The following PCDHGB7 variants were observed in gnomAD, a reference collection of about 807,000 sequenced individuals.
The protein encoded by PCDHGB7 is protocadherin gamma-B7.
A neutral mutation model predicts 61.4 loss-of-function variants in PCDHGB7; 37 were observed. The ratio of observed to expected loss-of-function variants is 0.60; its 90% CI spans 0.46 to 0.79. The LOEUF (loss-of-function observed/expected upper bound fraction) is 0.79. PCDHGB7 is among the 30% of genes least tolerant of loss of function. The pLI, the probability that PCDHGB7 is intolerant of heterozygous loss-of-function variation, is 0.00. For missense variants in PCDHGB7, 1,166 were observed against 1,202.5 expected (o/e 0.97, Z 0.45); for synonymous variants, 464 against 503.5 (o/e 0.92, Z 1.05).
At chr5:141,424,956 T>A (rs1435882776) in intron 1 of PCDHGB7, among the ~76,000 whole-genome samples, 1 of 152,176 alleles carries the variant, frequency 6.6e-6, no homozygotes, top group African/African-American at 2.4e-5. Context: ...TTCTAGGTAT[T>A]TGCCCCAAAT....
chr5:141,448,439 C>T (rs182359185), intron 1 of PCDHGB7, among the ~76,000 whole-genome samples: 7 of 152,232 alleles, frequency 4.6e-5, no homozygotes, highest in Admixed American at 4.6e-4. Context: ...ATTGAGAAGT[C>T]TGACTTCCAT....
intron 2 of PCDHGB7, among the ~76,000 whole-genome samples, chr5:141,497,248 G>A (rs1442942520): frequency 6.6e-6 from 1 of 152,128 alleles, no homozygotes; most frequent in African/African-American, 2.4e-5. Context: ...AGGAGGAGGT[G>A]ACATTGAGAA....
chr5:141,469,618 T>C (rs1284372508), intron 1 of PCDHGB7, among the ~76,000 whole-genome samples: 1 of 152,148 alleles, frequency 6.6e-6, no homozygotes, highest in Non-Finnish European at 1.5e-5. Context: ...ATAAAATAAA[T>C]GTTTGTAGTT....
chr5:141,422,409 A>G, intron 1 of PCDHGB7: 1 of 1,601,728 alleles, frequency 6.2e-7, no homozygotes. Flanking sequence ...TGCCTTTTAA[A>G]TTAGAAAAGA....
rs1233637152 is a variant in PCDHGB7 at position 141,432,543 on chromosome 5, A to G, written c.2415+12269A>G. ...CTGGTGACCAAGGTGGTGGCGGTGGACAGAGACTCCGGCCAGAACGCCTGG... is the reference window on the plus strand; with the variant it reads ...CTGGTGACCAAGGTGGTGGCGGTGGGCAGAGACTCCGGCCAGAACGCCTGG... On this transcript the variant is annotated intron_variant, in intron 1 of 3. Transcript: ENST00000398594. This position sits in a 1 kb window ranked among gnomAD's most constrained non-coding sequence, Gnocchi z 6.0. 3 of 1,613,678 alleles carry G rather than the reference A, an allele frequency of 1.9e-6. No individual in the cohort carries two copies. In the African/African-American group the frequency reaches 4.0e-5, roughly 22 times the overall value.
chr5:141,430,110 C>T (rs919470038), intron 1 of PCDHGB7, among the ~76,000 whole-genome samples: 1 of 152,060 alleles, frequency 6.6e-6, no homozygotes, highest in Admixed American at 6.5e-5. Flanking sequence ...CGTTACATGT[C>T]AACAACCTGG....
At chr5:141,458,172 T>C (rs1023447659) in intron 1 of PCDHGB7, among the ~76,000 whole-genome samples, 2 of 152,216 alleles carry the variant, frequency 1.3e-5, no homozygotes, top group African/African-American at 4.8e-5. Flanking sequence ...CACAGTAGTA[T>C]ACCTTACTTG....
chr5:141,489,381 T>A lies in PCDHGB7; in HGVS notation c.2416-5426T>A. 1 of 1,613,894 alleles carries A rather than the reference T, an allele frequency of 6.2e-7. No homozygotes were observed. The highest frequency in any genetic ancestry group is 8.5e-7 in the Non-Finnish European group (1 of 1,179,802). ...CTGAGCCGGGGACGCTGGTGGGGAATGTTGCTCAGGATCTGGGCTTAAAGA... is the reference window on the plus strand; with the variant it reads ...CTGAGCCGGGGACGCTGGTGGGGAAAGTTGCTCAGGATCTGGGCTTAAAGA... On this transcript the variant is annotated intron_variant, in intron 1 of 3. Transcript: ENST00000398594. The surrounding 1 kb of genome is among the most constrained non-coding windows in gnomAD (Gnocchi z 4.5).
rs752402965 is a variant in PCDHGB7, at chr5:141,491,400, C to G, written c.2416-3407C>G. The G allele has an allele frequency of 2.7e-5, 44 of 1,613,990 alleles. No individual in the cohort carries two copies. The highest frequency in any genetic ancestry group is 3.5e-5 in the Non-Finnish European group (41 of 1,179,996). On this transcript the variant is annotated intron_variant, in intron 1 of 3. Coordinates refer to ENST00000398594, the MANE Select transcript of PCDHGB7 (RefSeq NM_018927.4). The surrounding 1 kb of genome is among the most constrained non-coding windows in gnomAD (Gnocchi z 6.9). ...TGTCAGCGAAGTGCCTTCAGGGAAA[C>G]GCAGACGGGGACGGGGGTGGAGGGC... is the stretch of plus-strand genomic sequence containing the variant.
chr5:141,451,565 C>A (rs1336048717), intron 1 of PCDHGB7, among the ~76,000 whole-genome samples: 2 of 152,062 alleles, frequency 1.3e-5, no homozygotes, highest in South Asian at 2.1e-4. Flanking sequence ...AAGCCACAAT[C>A]TTTTTATAAA....
At chr5:141,423,591 A>G in intron 1 of PCDHGB7, 1 of 1,613,312 alleles carries the variant, frequency 6.2e-7, no homozygotes, top group South Asian at 1.1e-5. Context: ...GCTGTGAGAA[A>G]AGCGAGCCAC....
intron 1 of PCDHGB7, chr5:141,427,726 T>C: frequency 8.7e-7 from 1 of 1,155,152 alleles, no homozygotes; most frequent in Non-Finnish European, 1.3e-6. Context: ...GACCTAGGGC[T>C]GAATGGCCAA....
rs750164473 is a variant in PCDHGB7 at position 141,432,286 on chromosome 5, C to G, written c.2415+12012C>G. Reference sequence around the variant, plus strand: ...TATCGTCCTACGTGTCCATCAACTCCGACACTGGGGTACTGTATGCGCTGA... The same window carrying G: ...TATCGTCCTACGTGTCCATCAACTCGGACACTGGGGTACTGTATGCGCTGA... On this transcript the variant is annotated intron_variant, in intron 1 of 3. Transcript: ENST00000398594. This position sits in a 1 kb window ranked among gnomAD's most constrained non-coding sequence, Gnocchi z 6.0. The G allele has an allele frequency of 6.2e-7, 1 of 1,614,252 alleles. No homozygotes were observed. The highest frequency in any genetic ancestry group is 1.3e-5 in the African/African-American group (1 of 75,070).
At chr5:141,480,525 A>G (rs191522157) in intron 1 of PCDHGB7, among the ~76,000 whole-genome samples, 131 of 152,310 alleles carry the variant, frequency 8.6e-4, no homozygotes, top group African/African-American at 2.6e-3. Context: ...AAAAATGACA[A>G]AGTAGAAGCA....
chr5:141,464,328 C>T (rs2099081878), intron 1 of PCDHGB7, among the ~76,000 whole-genome samples: 1 of 150,722 alleles, frequency 6.6e-6, no homozygotes, highest in Admixed American at 6.6e-5. Context: ...CTGTTCAACC[C>T]ATCTATGACT....
At chr5:141,501,718 A>G (rs914077060) in intron 2 of PCDHGB7, among the ~76,000 whole-genome samples, 1 of 152,152 alleles carries the variant, frequency 6.6e-6, no homozygotes, top group Non-Finnish European at 1.5e-5. Flanking sequence ...AAAAAGACAA[A>G]TATATTACCC....
At position 141,505,514 on chromosome 5, in the gene PCDHGB7, G is replaced by A. The variant is rs758026551; in HGVS notation, c.2563+33G>A. The A allele has an allele frequency of 1.2e-5, 20 of 1,613,682 alleles. No homozygotes were observed. The South Asian group carries it at 1.8e-4, about 14-fold the overall frequency. ...GTGTCAGTGTGTGTATGGAAGAGTGGGAGACCTGGGGTTCTGGGGTGCATC... is the reference window on the plus strand; with the variant it reads ...GTGTCAGTGTGTGTATGGAAGAGTGAGAGACCTGGGGTTCTGGGGTGCATC... On this transcript the variant is annotated intron_variant, in intron 3 of 3. Transcript: ENST00000398594.
In PCDHGB7 at chr5:141,432,076, G is replaced by A. The variant is rs1442341840; in HGVS notation, c.2415+11802G>A. The A allele has an allele frequency of 1.2e-6, 2 of 1,614,160 alleles. No homozygotes were observed. Among genetic ancestry groups the A allele is most frequent in the East Asian group, 2.2e-5 (1 of 44,872 alleles). On this transcript the variant is annotated intron_variant, in intron 1 of 3. Coordinates refer to ENST00000398594, the MANE Select transcript of PCDHGB7 (RefSeq NM_018927.4). This position sits in a 1 kb window ranked among gnomAD's most constrained non-coding sequence, Gnocchi z 6.0. ...CCCTATCCACGGAAACTCATATCTCGCTGAACGTGGCAGACACCAACGACA... is the reference window on the plus strand; with the variant it reads ...CCCTATCCACGGAAACTCATATCTCACTGAACGTGGCAGACACCAACGACA...
At chr5:141,480,649 C>A (rs2099522804) in intron 1 of PCDHGB7, among the ~76,000 whole-genome samples, 1 of 152,184 alleles carries the variant, frequency 6.6e-6, no homozygotes, top group Non-Finnish European at 1.5e-5. Flanking sequence ...AACTTGGTTG[C>A]ACATTAAAAT....
Sources: allele counts gnomAD v4.1 joint callset (sites outside exome capture counted in the v4.1 genomes callset), GRCh38; gene constraint gnomAD v4.1.1; non-coding constraint Gnocchi (gnomAD v3.1); transcripts MANE v1.5; gene names NCBI Gene and HGNC (gene_info 2026-07-23, HGNC 2026-07-21).